EZR: variants seen among roughly 807,000 people sequenced by gnomAD.
EZR encodes the protein ezrin.
In EZR, 40 loss-of-function variants were observed where a neutral mutation model predicts 74.8. The observed-to-expected ratio is 0.53, with a 90% CI of 0.42 to 0.70. The LOEUF (loss-of-function observed/expected upper bound fraction) is 0.70, where lower values mean the gene tolerates loss of function less well. EZR is among the 30% of genes least tolerant of loss of function. The pLI is 0.00. For missense variants in EZR, 678 were observed against 755.8 expected, an observed-to-expected ratio of 0.90 and a Z score of 1.21; for synonymous variants, 341 against 283.3, an observed-to-expected ratio of 1.20 and a Z score of -2.05.
intron 2 of EZR, among the ~76,000 whole-genome samples, chr6:158,804,537 G>T (rs931208072): frequency 3.3e-5 from 5 of 152,138 alleles, no homozygotes; most frequent in Non-Finnish European, 5.9e-5. Flanking sequence ...ATTATACACA[G>T]AAACTTAAGT....
intron 2 of EZR, among the ~76,000 whole-genome samples, chr6:158,811,600 C>A (rs764114213): frequency 6.6e-6 from 1 of 152,180 alleles, no homozygotes. Flanking sequence ...GTGGCTCACA[C>A]CTATAATCTC....
At chr6:158,807,636 G>A (rs1473797713) in intron 2 of EZR, among the ~76,000 whole-genome samples, 2 of 152,140 alleles carry the variant, frequency 1.3e-5, no homozygotes, top group Non-Finnish European at 2.9e-5. Context: ...TGGTTTTAAC[G>A]CTTCAAAGAG....
At chr6:158,800,990 C>CCAGG (rs1174472812) in intron 2 of EZR, among the ~76,000 whole-genome samples, 2 of 152,158 alleles carry the variant, frequency 1.3e-5, no homozygotes, top group African/African-American at 4.8e-5. Flanking sequence ...GAAATCTTGG[C>CCAGG]CAGGCACAGT....
Position 158,796,629 on chromosome 6 carries a change from G to T in EZR, c.13-7258C>A, listed in dbSNP as rs992551019. On this transcript the variant is annotated intron_variant, in intron 2 of 13. Coordinates refer to ENST00000367075, the MANE Select transcript of EZR (RefSeq NM_001111077.2). ...ATTATTTGGCTTTGAAAGGGAAAGG[G>T]ACAAAAATGGGGATATGCTGTGGGG... Among the ~76,000 whole-genome samples the T allele has an allele frequency of 7.1e-5, 10 of 141,600 alleles. No individual in the cohort carries two copies. The East Asian group carries it at 1.9e-3, about 27-fold the overall frequency. 92.9% of individuals were successfully genotyped at this position (141,600 alleles called of 152,430 possible).
intron 3 of EZR, among the ~76,000 whole-genome samples, chr6:158,787,581 G>A (rs1346339864): frequency 6.6e-6 from 1 of 152,106 alleles, no homozygotes; most frequent in Non-Finnish European, 1.5e-5. Context: ...CAGTGCGGTG[G>A]GTGCATCGCT....
At chr6:158,811,793 G>C (rs188466390) in intron 2 of EZR, among the ~76,000 whole-genome samples, 1 of 151,964 alleles carries the variant, frequency 6.6e-6, no homozygotes, top group Non-Finnish European at 1.5e-5. Flanking sequence ...AGCCAAGGGT[G>C]GGGGCCGGGG....
chr6:158,812,870 C>T (rs540756915), intron 2 of EZR, among the ~76,000 whole-genome samples: 3 of 152,266 alleles, frequency 2.0e-5, no homozygotes, highest in East Asian at 3.9e-4. Flanking sequence ...AACCCATCAC[C>T]AGGCACTATC....
chr6:158,803,527 TTATATATATATATA>T, intron 2 of EZR, among the ~76,000 whole-genome samples: 2 of 20,436 alleles, frequency 9.8e-5, no homozygotes, highest in East Asian at 2.4e-3. Context: ...TTATGTAACA[TTATATATATATATA>T]TATGTATATA....
chr6:158,798,622 C>CTGTTTTTTTTTTTTTTTTTTTT, intron 2 of EZR, among the ~76,000 whole-genome samples: 1 of 122,204 alleles, frequency 8.2e-6, no homozygotes, highest in Non-Finnish European at 1.7e-5. Flanking sequence ...TGCTGCTCCG[C>CTGTTTTTTTTTTTTTTTTTTTT]TTTTTTTTTT....
chr6:158,815,745 TGCCTGTAATCAGGCCACCTC>T (rs1463572450), intron 2 of EZR, among the ~76,000 whole-genome samples: 1 of 152,220 alleles, frequency 6.6e-6, no homozygotes, highest in Non-Finnish European at 1.5e-5. Context: ...TACAGGCTCG[TGCCTGTAATCAGGCCACCTC>T]GCCTGGCCTC....
At chr6:158,772,469 G>A (rs1554271785) in intron 8 of EZR, among the ~76,000 whole-genome samples, 1 of 152,242 alleles carries the variant, frequency 6.6e-6, no homozygotes, top group East Asian at 1.9e-4. Flanking sequence ...GGAGGTGCTC[G>A]GCGCAGGAAG....
intron 2 of EZR, among the ~76,000 whole-genome samples, chr6:158,804,766 A>C (rs56003664): frequency 1.6e-4 from 23 of 139,418 alleles, no homozygotes; most frequent in Non-Finnish European, 2.6e-4. Context: ...TTTTTTTCTT[A>C]TTTTTTTTTA....
At chr6:158,775,355 A>T (rs1001343458) in intron 8 of EZR, among the ~76,000 whole-genome samples, 1 of 152,166 alleles carries the variant, frequency 6.6e-6, no homozygotes, top group Non-Finnish European at 1.5e-5. Flanking sequence ...CAAAGAAGAA[A>T]ATACTTTCAC....
intron 7 of EZR, among the ~76,000 whole-genome samples, chr6:158,779,375 G>A (rs77752019): frequency 0.064 from 9,703 of 152,152 alleles, 383 homozygotes; most frequent in Middle Eastern, 0.12. Context: ...GAGGGTCCCG[G>A]GGCAGAAATA....
At position 158,785,451 on chromosome 6, in the gene EZR, C is replaced by G; in HGVS notation, c.325G>C (p.Gly109Arg). The change falls in exon 5 of 14, where the codon GGA (glycine) becomes CGA (arginine). Residue 109 changes from glycine (G) to arginine (R), a missense_variant. Physicochemically the swap from Gly to Arg is moderately radical, Grantham distance 125. This residue lies in a region of EZR where 217 missense variants were observed against 232.2 expected (regional missense o/e 0.93). Coordinates refer to ENST00000367075, the MANE Select transcript of EZR (RefSeq NM_001111077.2). ...CAGTAGATCTCATCGCTAAGGATTCCTTCCTTCACTTGGAGGAAGAAAAGT... is the reference window on the plus strand; with the variant it reads ...CAGTAGATCTCATCGCTAAGGATTCGTTCCTTCACTTGGAGGAAGAAAAGT... ...QKLFFLQVKE[G>R]ILSDEIYCPP... The G allele has an allele frequency of 6.2e-7, 1 of 1,614,216 alleles. No homozygotes were observed.
chr6:158,789,440 TCTAC>T, intron 2 of EZR, 69 bp from the exon 3 acceptor site: 1 of 1,391,162 alleles, frequency 7.2e-7, no homozygotes, highest in Non-Finnish European at 1.0e-6. Context: ...TCCTGCACCT[TCTAC>T]ATAAGCTGCT....
intron 7 of EZR, among the ~76,000 whole-genome samples, chr6:158,779,372 C>G (rs1349469188): frequency 6.6e-6 from 1 of 152,072 alleles, no homozygotes. Flanking sequence ...AGAGAGGGTC[C>G]CGGGGCAGAA....
chr6:158,771,106 C>A, intron 9 of EZR, 138 bp downstream of exon 9: 1 of 1,377,804 alleles, frequency 7.3e-7, no homozygotes, highest in South Asian at 1.4e-5. Flanking sequence ...ACAAAGGCCT[C>A]GAAGATCCCA....
chr6:158,767,012 T>C lies in EZR; in HGVS notation c.1663A>G (p.Asn555Asp). ...TCCCGGCCTTGCCTCATGTTCTCGTTGTGGATGATGTCATTGTGGGTCCTC... is the reference window on the plus strand; with the variant it reads ...TCCCGGCCTTGCCTCATGTTCTCGTCGTGGATGATGTCATTGTGGGTCCTC... ...NKRTHNDIIH[N>D]ENMRQGRDKY... Residue 555 changes from asparagine to aspartate, a missense_variant, in exon 14 of 14, where the codon AAC becomes GAC. By Grantham distance (23) the Asn-to-Asp change is conservative. Coordinates refer to ENST00000367075, the MANE Select transcript of EZR (RefSeq NM_001111077.2). 6.2e-7 allele frequency: 1 copy of C among 1,614,202 alleles called. No homozygotes were observed. Among genetic ancestry groups the C allele is most frequent in the Non-Finnish European group, 8.5e-7 (1 of 1,180,038 alleles).
Sources: allele counts gnomAD v4.1 joint callset (sites outside exome capture counted in the v4.1 genomes callset), GRCh38; gene constraint gnomAD v4.1.1; regional missense constraint gnomAD v4.1.1; transcripts MANE v1.5; gene names NCBI Gene and HGNC (gene_info 2026-07-23, HGNC 2026-07-21).